TTLL5: variants seen among roughly 807,000 people sequenced by gnomAD.
TTLL5 encodes the protein tubulin polyglutamylase TTLL5.
Under a neutral mutation model 168.4 loss-of-function variants are expected in TTLL5, and 132 were observed. The observed-to-expected ratio is 0.78, with a 90% CI of 0.68 to 0.91. TTLL5 has a LOEUF of 0.91. Among genes scored for constraint, TTLL5 ranks in the 40% least tolerant of loss-of-function variants. TTLL5 has a pLI of 0.00. For synonymous variants in TTLL5, 546 were observed against 558.6 expected, an observed-to-expected ratio of 0.98 and a Z score of 0.32; for missense variants, 1,545 against 1,581.5, an observed-to-expected ratio of 0.98 and a Z score of 0.39.
chr14:75,769,648 G>A (rs1891163107), intron 20 of TTLL5, among the ~76,000 whole-genome samples: 2 of 152,136 alleles, frequency 1.3e-5, no homozygotes, highest in South Asian at 4.1e-4. Flanking sequence ...TAGTATAAAG[G>A]GATGAATCCG....
intron 2 of TTLL5, among the ~76,000 whole-genome samples, chr14:75,668,960 A>G (rs185123257): frequency 2.0e-5 from 3 of 152,270 alleles, no homozygotes; most frequent in Admixed American, 2.0e-4. Flanking sequence ...TTTCTCCTTC[A>G]CCAACAGCTA....
At chr14:75,810,032 G>C (rs1893899402) in intron 27 of TTLL5, among the ~76,000 whole-genome samples, 1 of 152,064 alleles carries the variant, frequency 6.6e-6, no homozygotes, top group Non-Finnish European at 1.5e-5. Flanking sequence ...TGTATTTTTA[G>C]CTTTTTGAGG....
At chr14:75,704,080 A>G (rs945871383) in intron 7 of TTLL5, among the ~76,000 whole-genome samples, 1 of 152,208 alleles carries the variant, frequency 6.6e-6, no homozygotes, top group Non-Finnish European at 1.5e-5. Context: ...CTTAATCCAT[A>G]TATGAACCCT....
chr14:75,689,255 C>T (rs184718053), intron 5 of TTLL5, among the ~76,000 whole-genome samples: 8 of 152,312 alleles, frequency 5.3e-5, no homozygotes. Context: ...CTCTCTTGAG[C>T]CTGATGACTG....
At position 75,774,590 on chromosome 14, in the gene TTLL5, T is replaced by C. The variant is rs549097634; in HGVS notation, c.2137-894T>C. Among the ~76,000 whole-genome samples the C allele has an allele frequency of 8.9e-4, 135 of 152,320 alleles. 1 individual carries two copies. In the Middle Eastern group the frequency reaches 0.014, roughly 15 times the overall value. ...CCCTCAGTGGTCAGATCCAAGGCCT[T>C]GTCTTTGTAGTGGGCCTTTCCAGCT... is the stretch of plus-strand genomic sequence containing the variant. On this transcript the variant is annotated intron_variant, in intron 21 of 31. Coordinates refer to ENST00000298832, the MANE Select transcript of TTLL5 (RefSeq NM_015072.5).
Position 75,882,723 on chromosome 14 carries a change from A to T in TTLL5, c.3561A>T (p.Leu1187Phe), listed in dbSNP as rs761200173. The T allele has an allele frequency of 1.9e-6, 3 of 1,613,356 alleles. No individual in the cohort carries two copies. The Admixed American group carries it at 5.0e-5, about 27-fold the overall frequency. ...FGSQTLPNSN[L>F]WTMNNGAGCR... is the part of the protein sequence containing the mutation. ...GCCAGACACTACCTAACTCCAATTT[A>T]TGGACAATGAATAATGGTGCAGGTT... Residue 1187 changes from leucine to phenylalanine, a missense_variant, in exon 30 of 32, where the codon TTA (leucine) becomes TTT (phenylalanine). Leu to Phe is a conservative substitution (Grantham distance 22). Coordinates refer to ENST00000298832, the MANE Select transcript of TTLL5 (RefSeq NM_015072.5).
intron 30 of TTLL5, among the ~76,000 whole-genome samples, chr14:75,889,616 T>A (rs1411312824): frequency 6.6e-6 from 1 of 151,472 alleles, no homozygotes. Context: ...TCACCGGAGG[T>A]CAGGAGTTCT....
intron 31 of TTLL5, among the ~76,000 whole-genome samples, chr14:75,908,511 GT>G (rs2033238507): frequency 6.6e-6 from 1 of 152,198 alleles, no homozygotes; most frequent in Non-Finnish European, 1.5e-5. Flanking sequence ...TCATATGTGG[GT>G]TTAGAGAGGC....
intron 7 of TTLL5, among the ~76,000 whole-genome samples, chr14:75,700,782 T>C (rs953969385): frequency 7.2e-5 from 11 of 152,202 alleles, no homozygotes; most frequent in Non-Finnish European, 5.9e-5. Flanking sequence ...AGACAAATTC[T>C]TTCCTGCAAG....
chr14:75,732,318 G>A lies in TTLL5; in HGVS notation c.1043-20G>A. The A allele has an allele frequency of 6.2e-7, 1 of 1,606,552 alleles. No homozygotes were observed. Among genetic ancestry groups the A allele is most frequent in the Middle Eastern group, 1.7e-4 (1 of 6,042 alleles). On this transcript the variant is annotated intron_variant, in intron 12 of 31. Coordinates refer to ENST00000298832, the MANE Select transcript of TTLL5 (RefSeq NM_015072.5). ...GACATGGAAAATGATCTTGTGTATTGTGTTGTGTTGTATTTCTAGAACTCT... is the reference window on the plus strand; with the variant it reads ...GACATGGAAAATGATCTTGTGTATTATGTTGTGTTGTATTTCTAGAACTCT...
chr14:75,938,532 A>G (rs917246870), intron 31 of TTLL5, among the ~76,000 whole-genome samples: 4 of 152,252 alleles, frequency 2.6e-5, no homozygotes, highest in Admixed American at 1.3e-4. Context: ...ATCATTTTAC[A>G]TGAATAATAA....
At chr14:75,919,863 G>A (rs2033763200) in intron 31 of TTLL5, among the ~76,000 whole-genome samples, 1 of 152,064 alleles carries the variant, frequency 6.6e-6, no homozygotes, top group South Asian at 2.1e-4. Context: ...GCTCACACCT[G>A]TAGTCCCAGC....
At position 75,865,107 on chromosome 14, in the gene TTLL5, C is replaced by T. The variant is rs1273900729; in HGVS notation, c.3522+1245C>T. On this transcript the variant is annotated intron_variant, in intron 29 of 31. Coordinates refer to ENST00000298832, the MANE Select transcript of TTLL5 (RefSeq NM_015072.5). ...CTGGAGAAAAATAAAATCTCTTAAT[C>T]TGGAAAGCATAGAATATAGCATCTC... Among the ~76,000 whole-genome samples the T allele has an allele frequency of 2.0e-5, 3 of 152,230 alleles. No homozygotes were observed. In the East Asian group the frequency reaches 5.8e-4, roughly 29 times the overall value.
At chr14:75,688,234 G>A in intron 5 of TTLL5, among the ~76,000 whole-genome samples, 1 of 152,116 alleles carries the variant, frequency 6.6e-6, no homozygotes, top group Non-Finnish European at 1.5e-5. Context: ...CCTCCAGGAA[G>A]GGAAGAGGGG....
intron 28 of TTLL5, among the ~76,000 whole-genome samples, chr14:75,849,714 A>G (rs1896745618): frequency 6.6e-6 from 1 of 152,232 alleles, no homozygotes. Context: ...AGGGGACTAC[A>G]AAGGAATGAC....
At chr14:75,700,437 G>T (rs564304728) in intron 7 of TTLL5, among the ~76,000 whole-genome samples, 18 of 152,100 alleles carry the variant, frequency 1.2e-4, no homozygotes, top group Non-Finnish European at 2.5e-4. Context: ...AGGAACACTC[G>T]ACTGGTAAGG....
chr14:75,804,755 C>G (rs1893550948), intron 27 of TTLL5, among the ~76,000 whole-genome samples: 1 of 152,152 alleles, frequency 6.6e-6, no homozygotes, highest in African/African-American at 2.4e-5. Flanking sequence ...GTTGTTTAAC[C>G]TCCCTGTGCC....
intron 28 of TTLL5, among the ~76,000 whole-genome samples, chr14:75,841,012 G>A (rs1441160677): frequency 6.6e-6 from 1 of 152,112 alleles, no homozygotes; most frequent in Non-Finnish European, 1.5e-5. Context: ...CAAGAGCAGG[G>A]GCAAGAAACG....
chr14:75,951,431 G>A (rs2034957436), intron 31 of TTLL5, among the ~76,000 whole-genome samples: 3 of 152,024 alleles, frequency 2.0e-5, no homozygotes, highest in African/African-American at 4.8e-5. Context: ...ATCCTGAATA[G>A]CACTTATCTT....
Sources: allele counts gnomAD v4.1 joint callset (sites outside exome capture counted in the v4.1 genomes callset), GRCh38; gene constraint gnomAD v4.1.1; transcripts MANE v1.5; gene names NCBI Gene and HGNC (gene_info 2026-07-23, HGNC 2026-07-21).